Variants in IL31RA observed in about 807,000 individuals in gnomAD.
The protein encoded by IL31RA is interleukin-31 receptor subunit alpha.
Under a neutral mutation model 83.7 loss-of-function variants are expected in IL31RA, and 66 were observed. That is an observed-to-expected ratio of 0.79 (90% CI 0.65 to 0.97). The LOEUF (loss-of-function observed/expected upper bound fraction) is 0.97. Among genes scored for constraint, IL31RA ranks in the 50% least tolerant of loss-of-function variants. The pLI, the probability that IL31RA is intolerant of heterozygous loss-of-function variation, is 0.00. For missense variants in IL31RA, 798 were observed against 919.4 expected, an observed-to-expected ratio of 0.87 and a Z score of 1.71; for synonymous variants, 325 against 329.0, an observed-to-expected ratio of 0.99 and a Z score of 0.13.
At chr5:55,914,751 A>G (rs1435264827) in intron 13 of IL31RA, 96 bp from the exon 14 acceptor site, 11 of 920,918 alleles carry the variant, frequency 1.2e-5, no homozygotes, top group Non-Finnish European at 2.0e-5. Context: ...GGAAACTTAC[A>G]ATTCCCTTTA....
chr5:55,913,643 C>T (rs1190927084), intron 13 of IL31RA, 73 bp downstream of exon 13: 34 of 906,712 alleles, frequency 3.7e-5, no homozygotes, highest in South Asian at 5.2e-5. Flanking sequence ...ATAGGTGCTT[C>T]GTAGGAGAGG....
At chr5:55,916,551 A>G (rs161700) in intron 14 of IL31RA, 93 bp from the exon 15 acceptor site, 827,600 of 1,025,498 alleles carry the variant, frequency 0.81, 334,767 homozygotes, top group East Asian at 0.83. Context: ...TGTTCCAGAG[A>G]TGGGCATTTG....
chr5:55,898,624 CAT>C (rs946111741), intron 7 of IL31RA, among the ~76,000 whole-genome samples: 5 of 143,394 alleles, frequency 3.5e-5, no homozygotes, highest in African/African-American at 1.0e-4. Context: ...TTTTAAATAA[CAT>C]ATTAATGTTA....
At chr5:55,868,942 G>A in intron 3 of IL31RA, 34 bp downstream of exon 3, 2 of 1,132,092 alleles carry the variant, frequency 1.8e-6, no homozygotes, top group Non-Finnish European at 1.3e-6. Context: ...ATCAGTCAGG[G>A]CATGGGGGAG....
At chr5:55,871,097 T>C (rs1356788161) in intron 3 of IL31RA, among the ~76,000 whole-genome samples, 2 of 152,236 alleles carry the variant, frequency 1.3e-5, no homozygotes. Flanking sequence ...GATATATTAC[T>C]GTCTTCATTT....
rs1011251976 is a variant in IL31RA, at chr5:55,917,984, C to T, written c.*864C>T. Among the ~76,000 whole-genome samples, 1 of 152,208 alleles carries T rather than the reference C, an allele frequency of 6.6e-6. No individual in the cohort carries two copies. The highest frequency in any genetic ancestry group is 1.5e-5 in the Non-Finnish European group (1 of 68,046). ...AATGCTTACTTAAAAGGCCTCTTCC[C>T]GGAAGCAGCAGGGCAGGGCCTGGGA... On this transcript the variant is annotated 3_prime_UTR_variant, in exon 15 of 15. Transcript: ENST00000652347.
chr5:55,880,815 C>T (rs922015584), intron 4 of IL31RA, among the ~76,000 whole-genome samples: 1 of 152,190 alleles, frequency 6.6e-6, no homozygotes, highest in African/African-American at 2.4e-5. Context: ...CAGCCTTTGT[C>T]CTCAAGGAGT....
In IL31RA at chr5:55,919,683, G is replaced by A. The variant is rs868719826; in HGVS notation, c.*2563G>A. ...TACCTTTGAGGGGTGGGAAGATGGT[G>A]GCTCTGTTTCTTTCTAGGTGAGAGG... On this transcript the variant is annotated 3_prime_UTR_variant, in exon 15 of 15. Coordinates refer to ENST00000652347, the MANE Select transcript of IL31RA (RefSeq NM_139017.7). 2.0e-5 allele frequency among the ~76,000 whole-genome samples: 3 copies of A among 152,246 alleles called. No homozygotes were observed. Among genetic ancestry groups the A allele is most frequent in the Middle Eastern group, 3.4e-3 (1 of 294 alleles).
chr5:55,894,603 A>T (rs1391900210), intron 6 of IL31RA, among the ~76,000 whole-genome samples: 1 of 152,244 alleles, frequency 6.6e-6, no homozygotes, highest in African/African-American at 2.4e-5. Context: ...CTGCAAGAGT[A>T]GTTGTAGAAG....
At chr5:55,889,883 A>G (rs1747872625) in intron 5 of IL31RA, 87 bp from the exon 6 acceptor site, 1 of 1,191,128 alleles carries the variant, frequency 8.4e-7, no homozygotes, top group South Asian at 1.2e-5. Context: ...AGTTCTAAAA[A>G]TGTAAAAGTA....
chr5:55,917,206 C>T lies in IL31RA; in HGVS notation c.*86C>T, dbSNP rs116219222. 9,057 of 1,603,830 alleles carry T rather than the reference C, an allele frequency of 5.6e-3. 33 individuals are homozygous for T. Among genetic ancestry groups the T allele is most frequent in the Non-Finnish European group, 7.0e-3 (8,219 of 1,179,566 alleles). On this transcript the variant is annotated 3_prime_UTR_variant, in exon 15 of 15. Transcript: ENST00000652347. ...GTCAAGACTCGGCACGCAGCGCTTGCTTGGCCCTGCCACATCCTGCCTAGG... is the reference window on the plus strand; with the variant it reads ...GTCAAGACTCGGCACGCAGCGCTTGTTTGGCCCTGCCACATCCTGCCTAGG...
chr5:55,886,268 C>CTTGCTCTTTTTTTT (rs1235138364), intron 5 of IL31RA, among the ~76,000 whole-genome samples: 1 of 71,510 alleles, frequency 1.4e-5, no homozygotes, highest in African/African-American at 7.3e-5. Flanking sequence ...TGCTTGCTTG[C>CTTGCTCTTTTTTTT]TTTTTTTTTT....
In IL31RA at chr5:55,919,502, C is replaced by G. The variant is rs547452675; in HGVS notation, c.*2382C>G. ...CCACCCAGCCCTTCCTGTTTCATTT[C>G]TTCTTTCCTTTCTCTCCTCTTGCCC... On this transcript the variant is annotated 3_prime_UTR_variant, in exon 15 of 15. Transcript: ENST00000652347. Among the ~76,000 whole-genome samples, 17 of 152,306 alleles carry G rather than the reference C, an allele frequency of 1.1e-4. No homozygotes were observed. The highest frequency in any genetic ancestry group is 4.1e-4 in the African/African-American group (17 of 41,564).
At chr5:55,861,338 A>G (rs1398431459) in intron 2 of IL31RA, among the ~76,000 whole-genome samples, 1 of 152,214 alleles carries the variant, frequency 6.6e-6, no homozygotes, top group African/African-American at 2.4e-5. Context: ...TGGGCCACAC[A>G]GCAGGAGATG....
intron 1 of IL31RA, among the ~76,000 whole-genome samples, chr5:55,851,855 T>C (rs1465755013): frequency 6.6e-6 from 1 of 152,262 alleles, no homozygotes; most frequent in Non-Finnish European, 1.5e-5. Context: ...TATGGCTTGA[T>C]TCATTTCTCT....
At chr5:55,868,712 T>TA (rs1746332074) in intron 2 of IL31RA, 79 bp from the exon 3 acceptor site, 1 of 902,314 alleles carries the variant, frequency 1.1e-6, no homozygotes, top group East Asian at 2.4e-5. Context: ...TATTTTCCAT[T>TA]AAAAATGTTC....
At chr5:55,896,139 A>G (rs1018486118) in intron 6 of IL31RA, among the ~76,000 whole-genome samples, 2 of 152,164 alleles carry the variant, frequency 1.3e-5, no homozygotes, top group African/African-American at 4.8e-5. Flanking sequence ...ACTCAAGAGC[A>G]GTTTTATTTT....
chr5:55,904,438 A>G (rs1234621032), intron 8 of IL31RA, among the ~76,000 whole-genome samples: 1 of 152,170 alleles, frequency 6.6e-6, no homozygotes, highest in Non-Finnish European at 1.5e-5. Context: ...CTGGCTGGGT[A>G]TGCTTCCAGG....
chr5:55,917,813 C>T lies in IL31RA; in HGVS notation c.*693C>T, dbSNP rs540670530. Among the ~76,000 whole-genome samples the T allele has an allele frequency of 5.9e-5, 9 of 152,232 alleles. No homozygotes were observed. The highest frequency in any genetic ancestry group is 4.2e-4 in the South Asian group (2 of 4,804). ...GCCCTGGGGAATGTATGCTGCCGGG[C>T]GCAGCTCTGTCCAGTCTCCAGGGGG... is the stretch of plus-strand genomic sequence containing the variant. On this transcript the variant is annotated 3_prime_UTR_variant, in exon 15 of 15. Transcript: ENST00000652347.
Sources: gnomAD v4.1 joint callset for allele counts (sites outside exome capture counted in the v4.1 genomes callset) on GRCh38, gnomAD v4.1.1 for gene constraint, MANE v1.5 for transcripts, NCBI Gene and HGNC (gene_info 2026-07-23, HGNC 2026-07-21) for gene names.